The following CENPH variants were observed in gnomAD, a reference collection of about 807,000 sequenced individuals.
The protein encoded by CENPH is CENP-H.
In CENPH, 40 loss-of-function variants were observed where a neutral mutation model predicts 42.9. The ratio of observed to expected loss-of-function variants is 0.93; its 90% CI spans 0.72 to 1.21. CENPH has a LOEUF of 1.21. Among genes scored for constraint, CENPH ranks in the 50% most tolerant of loss-of-function variants. The probability of loss-of-function intolerance (pLI) is 0.00; values close to 1 mark genes in which losing one functional copy is unlikely to be tolerated. For missense variants in CENPH, 302 were observed against 292.9 expected (o/e 1.03, Z -0.23); for synonymous variants, 88 against 96.5 (o/e 0.91, Z 0.52).
At chr5:69,198,540 C>G (rs995264132) in intron 5 of CENPH, among the ~76,000 whole-genome samples, 3 of 152,118 alleles carry the variant, frequency 2.0e-5, no homozygotes, top group Admixed American at 1.3e-4. Flanking sequence ...AGTATCTTAG[C>G]CCACACTGCT....
intron 6 of CENPH, 136 bp downstream of exon 6, chr5:69,202,705 C>T (rs1748078059): frequency 3.0e-6 from 2 of 664,986 alleles, no homozygotes; most frequent in Non-Finnish European, 5.2e-6. Context: ...CTTGAGTTCT[C>T]TCTTTTTTTC....
intron 7 of CENPH, among the ~76,000 whole-genome samples, chr5:69,204,917 T>C (rs1748125184): frequency 7.0e-6 from 1 of 143,164 alleles, no homozygotes; most frequent in Non-Finnish European, 1.5e-5. Context: ...TTTTTTCTTT[T>C]TCTTTTTTTT....
intron 6 of CENPH, 97 bp from the exon 7 acceptor site, chr5:69,202,822 G>A (rs1748079193): frequency 1.3e-6 from 1 of 754,528 alleles, no homozygotes. Flanking sequence ...TGGAACTTTA[G>A]ATAACTAAGG....
chr5:69,209,563 T>G, intron 8 of CENPH, 144 bp from the exon 9 acceptor site: 1 of 532,964 alleles, frequency 1.9e-6, no homozygotes, highest in Non-Finnish European at 3.3e-6. Context: ...TAGAAGAATG[T>G]ATTATCATTT....
intron 1 of CENPH, 56 bp downstream of exon 1, chr5:69,189,824 C>A: frequency 1.4e-6 from 2 of 1,416,318 alleles, no homozygotes; most frequent in Non-Finnish European, 1.8e-6. Flanking sequence ...GCCCGGAACT[C>A]CGCCCTTGCT....
chr5:69,209,593 C>G (rs1246699085), intron 8 of CENPH, 114 bp from the exon 9 acceptor site: 1 of 586,576 alleles, frequency 1.7e-6, no homozygotes, highest in East Asian at 2.9e-5. Context: ...GATCACAGAG[C>G]TACACATGTA....
intron 5 of CENPH, among the ~76,000 whole-genome samples, chr5:69,200,667 A>G (rs184386193): frequency 7.2e-6 from 1 of 139,516 alleles, no homozygotes; most frequent in East Asian, 2.3e-4. Flanking sequence ...AATAATGTCT[A>G]TTATAGTGAT....
intron 7 of CENPH, among the ~76,000 whole-genome samples, chr5:69,203,972 G>T: frequency 7.6e-6 from 1 of 130,864 alleles, no homozygotes. Context: ...ATATGGACAT[G>T]GAAATTTCTA....
chr5:69,193,169 ATATG>A (rs893454660), intron 2 of CENPH, among the ~76,000 whole-genome samples: 79 of 150,452 alleles, frequency 5.3e-4, no homozygotes, highest in African/African-American at 1.9e-3. Flanking sequence ...ATATGTATAT[ATATG>A]TGTGTGTATG....
chr5:69,198,009 C>T (rs1473140965), intron 5 of CENPH, among the ~76,000 whole-genome samples: 1 of 149,836 alleles, frequency 6.7e-6, no homozygotes, highest in African/African-American at 2.5e-5. Flanking sequence ...CAACCTCTGC[C>T]TCCCGGGTTC....
At position 69,210,174 on chromosome 5, in the gene CENPH, A is replaced by G. The variant is rs1748224388; in HGVS notation, c.*375A>G. The stretch of plus-strand genomic sequence containing the variant: ...CCGCCATGCCCAGCTAATTTTTTGT[A>G]TTTTAGTAGAGACGGGGTTTCACCG... On this transcript the variant is annotated 3_prime_UTR_variant, in exon 9 of 9. Transcript: ENST00000283006. 1 of 153,834 alleles carries G rather than the reference A, an allele frequency of 6.5e-6. No homozygotes were observed. Among genetic ancestry groups the G allele is most frequent in the South Asian group, 2.0e-4 (1 of 5,058 alleles). 9.5% of individuals were successfully genotyped at this position (153,834 alleles called of 1,614,324 possible).
At chr5:69,200,934 T>G (rs1748050340) in intron 5 of CENPH, among the ~76,000 whole-genome samples, 1 of 151,446 alleles carries the variant, frequency 6.6e-6, no homozygotes, top group Admixed American at 6.6e-5. Context: ...GATGGGGTTT[T>G]GCCATGTTGG....
At chr5:69,194,443 A>C (rs752347284) in intron 2 of CENPH, among the ~76,000 whole-genome samples, 1 of 152,218 alleles carries the variant, frequency 6.6e-6, no homozygotes, top group Non-Finnish European at 1.5e-5. Context: ...GTCATTAGTA[A>C]TGTTAAACTG....
intron 2 of CENPH, among the ~76,000 whole-genome samples, chr5:69,194,411 C>T (rs1747929790): frequency 1.3e-5 from 2 of 152,130 alleles, no homozygotes; most frequent in African/African-American, 2.4e-5. Flanking sequence ...ATGTAAAATA[C>T]AGACAGAATA....
At chr5:69,191,250 C>T (rs1747866308) in intron 1 of CENPH, among the ~76,000 whole-genome samples, 1 of 152,184 alleles carries the variant, frequency 6.6e-6, no homozygotes, top group Admixed American at 6.5e-5. Flanking sequence ...CGGTGGCTCA[C>T]GCCTGTAATC....
At chr5:69,196,736 AGT>A (rs1747970115) in intron 4 of CENPH, among the ~76,000 whole-genome samples, 1 of 152,184 alleles carries the variant, frequency 6.6e-6, no homozygotes, top group African/African-American at 2.4e-5. Flanking sequence ...TGATCTTTGT[AGT>A]GCCTTAATCC....
At chr5:69,195,596 G>A in intron 3 of CENPH, 121 bp from the exon 4 acceptor site, 1 of 626,500 alleles carries the variant, frequency 1.6e-6, no homozygotes, top group Non-Finnish European at 2.9e-6. Context: ...TATTGAGCCT[G>A]TAGAATACTT....
chr5:69,208,290 G>A lies in CENPH; in HGVS notation c.582G>A (p.Arg194=), dbSNP rs762392898. ...IDLDSMENSE[R]IKIIRQNLQM... is the part of the protein sequence containing the mutation. ...TGGACAGTATGGAAAACTCAGAGAG[G>A]ATAAAGATCATACGACAAAACCTAC... is the stretch of plus-strand genomic sequence containing the variant. Residue 194 remains arginine (R), a synonymous_variant, in exon 8 of 9, where the codon AGG becomes AGA. Transcript: ENST00000283006. 1 of 1,598,830 alleles carries A rather than the reference G, an allele frequency of 6.3e-7. No homozygotes were observed. Among genetic ancestry groups the A allele is most frequent in the African/African-American group, 1.3e-5 (1 of 74,680 alleles).
At chr5:69,194,434 T>G (rs908152537) in intron 2 of CENPH, among the ~76,000 whole-genome samples, 3 of 152,196 alleles carry the variant, frequency 2.0e-5, no homozygotes, top group Non-Finnish European at 4.4e-5. Context: ...GTGAAATATG[T>G]CATTAGTAAT....
Sources: gnomAD v4.1 joint callset for allele counts (sites outside exome capture counted in the v4.1 genomes callset) on GRCh38, gnomAD v4.1.1 for gene constraint, MANE v1.5 for transcripts, NCBI Gene and HGNC (gene_info 2026-07-23, HGNC 2026-07-21) for gene names.